The following MYMX variants were observed in gnomAD, a reference collection of about 807,000 sequenced individuals.
MYMX encodes the protein protein myomixer.
the MYMX span, among the ~76,000 whole-genome samples, chr6:44,200,351 G>T: frequency 6.6e-6 from 1 of 151,758 alleles, no homozygotes; most frequent in Non-Finnish European, 1.5e-5. Context: ...GTCTTGCTCT[G>T]TCACCCAGGT....
At chr6:44,207,659 AGT>A in the MYMX span, among the ~76,000 whole-genome samples, 23 of 151,898 alleles carry the variant, frequency 1.5e-4, no homozygotes, top group East Asian at 4.3e-3. Context: ...CAGCCCCCTG[AGT>A]AGCTGGGATT....
At chr6:44,217,102 G>A (rs918911439) in intron 1 of MYMX, 134 bp downstream of exon 1, 19 of 214,106 alleles carry the variant, frequency 8.9e-5, no homozygotes, top group Non-Finnish European at 1.6e-4. Context: ...GAGGGAGAAG[G>A]GTTAGGGAAC....
the MYMX span, chr6:44,209,943 T>TA: frequency 6.8e-6 from 1 of 146,456 alleles, no homozygotes. Flanking sequence ...ATATATATAT[T>TA]TTATTATTTA....
At chr6:44,210,124 T>C in the MYMX span, 12 of 150,988 alleles carry the variant, frequency 7.9e-5, no homozygotes, top group Non-Finnish European at 1.8e-4. Flanking sequence ...TTTTTGTATT[T>C]TTAGTAGAGA....
chr6:44,211,192 C>T, the MYMX span, among the ~76,000 whole-genome samples: 3 of 152,150 alleles, frequency 2.0e-5, no homozygotes, highest in Non-Finnish European at 4.4e-5. Flanking sequence ...TCTATGAATG[C>T]TGCTGTAACA....
At chr6:44,193,617 T>C in the MYMX span, among the ~76,000 whole-genome samples, 1 of 152,216 alleles carries the variant, frequency 6.6e-6, no homozygotes, top group Non-Finnish European at 1.5e-5. Context: ...TTATTTGGTC[T>C]CAGAGCTGCC....
chr6:44,204,540 A>G, the MYMX span, among the ~76,000 whole-genome samples: 1 of 152,194 alleles, frequency 6.6e-6, no homozygotes, highest in Non-Finnish European at 1.5e-5. Context: ...AGTTGCTCTG[A>G]AAAGCTGTTC....
the MYMX span, among the ~76,000 whole-genome samples, chr6:44,194,639 T>C: frequency 1.3e-3 from 192 of 152,250 alleles, 1 homozygote; most frequent in African/African-American, 4.5e-3. Flanking sequence ...GGGTCAGCTC[T>C]AGACACCCAA....
chr6:44,212,637 G>A (rs1337608147), upstream of MYMX, among the ~76,000 whole-genome samples: 1 of 151,688 alleles, frequency 6.6e-6, no homozygotes, highest in Non-Finnish European at 1.5e-5. Context: ...AGAACATTGG[G>A]AGAAAGAATT....
At chr6:44,204,204 T>C in the MYMX span, among the ~76,000 whole-genome samples, 8 of 152,266 alleles carry the variant, frequency 5.3e-5, no homozygotes, top group African/African-American at 1.7e-4. Context: ...AAGTAAAATA[T>C]ATAGCATGTC....
At chr6:44,195,890 G>A in the MYMX span, among the ~76,000 whole-genome samples, 6,542 of 151,978 alleles carry the variant, frequency 0.043, 447 homozygotes, top group African/African-American at 0.15. Flanking sequence ...CACTTAAGTT[G>A]TTTCTAATTT....
At chr6:44,202,582 C>T in the MYMX span, among the ~76,000 whole-genome samples, 388 of 152,196 alleles carry the variant, frequency 2.5e-3, 1 homozygote, top group Non-Finnish European at 4.0e-3. Flanking sequence ...TGCTCCCTGG[C>T]GGCTTTGTTC....
the MYMX span, among the ~76,000 whole-genome samples, chr6:44,208,764 A>G: frequency 6.6e-6 from 1 of 152,186 alleles, no homozygotes; most frequent in Admixed American, 6.5e-5. Context: ...TAAGGCTCCC[A>G]TTGCCAGAAC....
chr6:44,210,743 C>T, the MYMX span, among the ~76,000 whole-genome samples: 1 of 152,154 alleles, frequency 6.6e-6, no homozygotes, highest in South Asian at 2.1e-4. Context: ...ATATTAATTG[C>T]TGAACATAAG....
chr6:44,211,871 C>G, the MYMX span, among the ~76,000 whole-genome samples: 1 of 149,760 alleles, frequency 6.7e-6, no homozygotes, highest in Non-Finnish European at 1.5e-5. Flanking sequence ...GTCTCGAACT[C>G]CTGACCTCAA....
At chr6:44,217,178 T>C (rs888885546) in intron 1 of MYMX, among the ~76,000 whole-genome samples, 3 of 152,018 alleles carry the variant, frequency 2.0e-5, no homozygotes, top group Non-Finnish European at 4.4e-5. Context: ...CAGGGAGCAG[T>C]AGGAATGCCT....
At chr6:44,194,721 A>C in the MYMX span, among the ~76,000 whole-genome samples, 2 of 151,906 alleles carry the variant, frequency 1.3e-5, no homozygotes, top group African/African-American at 4.8e-5. Flanking sequence ...CCAGCACCGC[A>C]CTCCCTAACT....
chr6:44,205,960 A>C, the MYMX span, among the ~76,000 whole-genome samples: 1 of 143,864 alleles, frequency 7.0e-6, no homozygotes, highest in Non-Finnish European at 1.5e-5. Flanking sequence ...AGTCTGAGAG[A>C]CAGAGCCAGA....
At position 44,217,714 on chromosome 6, in the gene MYMX, C is replaced by T. The variant is rs1185795220; in HGVS notation, c.243C>T (p.Gly81=). 38 of 400,862 alleles carry T rather than the reference C, an allele frequency of 9.5e-5. No homozygotes were observed. The highest frequency in any genetic ancestry group is 1.5e-4 in the Non-Finnish European group (34 of 226,382). 24.8% of individuals were successfully genotyped at this position (400,862 alleles called of 1,614,324 possible). ...VDRLERRERL[G]PQK ...GCCTGGAGAGGAGGGAGAGGTTAGGCCCCCAAAAGTGAGGCCACAAGTCCT... is the reference window on the plus strand; with the variant it reads ...GCCTGGAGAGGAGGGAGAGGTTAGGTCCCCAAAAGTGAGGCCACAAGTCCT... Residue 81 remains glycine (G), a synonymous_variant, in exon 2 of 2, where the codon GGC becomes GGT. Coordinates refer to ENST00000573382, the MANE Select transcript of MYMX (RefSeq NM_001315494.2).
Sources: allele counts gnomAD v4.1 joint callset (sites outside exome capture counted in the v4.1 genomes callset), GRCh38; gene constraint gnomAD v4.1.1; transcripts MANE v1.5; gene names NCBI Gene and HGNC (gene_info 2026-07-23, HGNC 2026-07-21).